GABPA: variants seen among roughly 807,000 people sequenced by gnomAD.
GABPA encodes the protein GA binding protein transcription factor subunit alpha, also known as GA-binding protein alpha chain.
In GABPA, 4 loss-of-function variants were observed where a neutral mutation model predicts 59.4. That is an observed-to-expected ratio of 0.07 (90% CI 0.03 to 0.15). The LOEUF is 0.15. Among genes scored for constraint, GABPA ranks in the 10% least tolerant of loss-of-function variants. The pLI is 1.00. For missense variants in GABPA, 251 were observed against 543.8 expected (o/e 0.46, Z 5.36); for synonymous variants, 164 against 183.1 (o/e 0.90, Z 0.84).
rs1423158744 is a variant in GABPA at position 25,737,626 on chromosome 21, C to T, written c.-27+2048C>T. Among the ~76,000 whole-genome samples the T allele has an allele frequency of 2.6e-5, 4 of 152,172 alleles. No homozygotes were observed. In the South Asian group the frequency reaches 6.2e-4, roughly 24 times the overall value. ...TTTAGTGTTTATGTTAGGGGAGCCC[C>T]AGGTGTCCCTGCTGATACGCCATTA... is the stretch of plus-strand genomic sequence containing the variant. On this transcript the variant is annotated intron_variant, in intron 1 of 9. Transcript: ENST00000400075.
At position 25,768,881 on chromosome 21, in the gene GABPA, TATTA is replaced by T. The variant is rs1338565410; in HGVS notation, c.1137-119_1137-116del. ...CATTAAATATTCTACATAGCTTCAA[TATTA>T]ATTGCTATTGTGGCGGATGCAGTAC... On this transcript the variant is annotated intron_variant, in intron 9 of 9. Coordinates refer to ENST00000400075, the MANE Select transcript of GABPA (RefSeq NM_002040.4). 8 of 640,020 alleles carry T rather than the reference TATTA, an allele frequency of 1.2e-5. No individual in the cohort carries two copies. In the Admixed American group the frequency reaches 1.4e-4, roughly 11 times the overall value. The allele number at this position is 640,020 out of a possible 1,614,324, so 39.6% of individuals were successfully genotyped here.
chr21:25,760,609 G>A (rs924078149), intron 6 of GABPA, among the ~76,000 whole-genome samples: 2 of 152,104 alleles, frequency 1.3e-5, no homozygotes, highest in Non-Finnish European at 2.9e-5. Flanking sequence ...GTCCTTCTCG[G>A]TGTGAATCTC....
intron 9 of GABPA, among the ~76,000 whole-genome samples, chr21:25,766,072 C>T (rs2035882678): frequency 6.6e-6 from 1 of 151,938 alleles, no homozygotes; most frequent in African/African-American, 2.4e-5. Flanking sequence ...GCTATTTTCT[C>T]AAGACAAATA....
chr21:25,736,163 A>G (rs757781112), intron 1 of GABPA, among the ~76,000 whole-genome samples: 13 of 152,230 alleles, frequency 8.5e-5, no homozygotes, highest in Non-Finnish European at 1.5e-4. Flanking sequence ...TTTGTGTACT[A>G]GAAGACACGC....
At chr21:25,760,360 C>T (rs1423177814) in intron 6 of GABPA, among the ~76,000 whole-genome samples, 1 of 152,146 alleles carries the variant, frequency 6.6e-6, no homozygotes, top group East Asian at 1.9e-4. Flanking sequence ...AGCCTATCTG[C>T]GAAAGGCACT....
intron 6 of GABPA, among the ~76,000 whole-genome samples, chr21:25,759,374 T>G (rs1297080767): frequency 6.6e-6 from 1 of 152,078 alleles, no homozygotes; most frequent in Non-Finnish European, 1.5e-5. Flanking sequence ...GTGGAGGGAT[T>G]TTTCCACCGT....
intron 5 of GABPA, among the ~76,000 whole-genome samples, 161 bp from the exon 6 acceptor site, chr21:25,757,849 A>ATT (rs60518912): frequency 0.028 from 3,011 of 108,590 alleles, 154 homozygotes; most frequent in African/African-American, 0.096. Flanking sequence ...TTACAGCATA[A>ATT]TTTTTTTTTT....
chr21:25,750,425 C>A (rs1379206185), intron 4 of GABPA, among the ~76,000 whole-genome samples: 1 of 152,112 alleles, frequency 6.6e-6, no homozygotes, highest in African/African-American at 2.4e-5. Context: ...ATTGGTCACG[C>A]CTGGAACCCT....
chr21:25,738,873 G>C (rs2035146020), intron 1 of GABPA, among the ~76,000 whole-genome samples: 1 of 151,976 alleles, frequency 6.6e-6, no homozygotes, highest in African/African-American at 2.4e-5. Flanking sequence ...CACCAGTTAA[G>C]GAATAGGCTT....
chr21:25,749,440 GCTGCC>G (rs2035451681), intron 4 of GABPA, among the ~76,000 whole-genome samples: 1 of 152,196 alleles, frequency 6.6e-6, no homozygotes, highest in African/African-American at 2.4e-5. Context: ...TAAGGAAGCT[GCTGCC>G]CTGCCATGAT....
At chr21:25,758,448 G>T (rs890934222) in intron 6 of GABPA, among the ~76,000 whole-genome samples, 11 of 152,162 alleles carry the variant, frequency 7.2e-5, no homozygotes, top group Non-Finnish European at 1.5e-4. Context: ...GCCCCATAAA[G>T]TCACAGCTAG....
intron 9 of GABPA, among the ~76,000 whole-genome samples, chr21:25,765,285 A>T (rs2035864135): frequency 6.6e-6 from 1 of 152,094 alleles, no homozygotes; most frequent in Non-Finnish European, 1.5e-5. Context: ...GAAATTCAAC[A>T]GGTACATTTA....
At chr21:25,768,625 T>C (rs2035947477) in intron 9 of GABPA, among the ~76,000 whole-genome samples, 1 of 152,096 alleles carries the variant, frequency 6.6e-6, no homozygotes, top group Admixed American at 6.6e-5. Flanking sequence ...ATATGACTCC[T>C]GTGGTCTCAA....
chr21:25,756,035 T>C (rs71651611), intron 5 of GABPA, among the ~76,000 whole-genome samples: 1,838 of 152,348 alleles, frequency 0.012, 49 homozygotes, highest in African/African-American at 0.042. Context: ...TTTGTACTCA[T>C]GTTCCTATGA....
At chr21:25,738,261 A>G (rs2035132065) in intron 1 of GABPA, among the ~76,000 whole-genome samples, 1 of 152,138 alleles carries the variant, frequency 6.6e-6, no homozygotes, top group East Asian at 1.9e-4. Context: ...ATAAAGTGGT[A>G]GTTTCTTGTT....
chr21:25,741,705 T>C (rs2035225377), intron 2 of GABPA, 30 bp downstream of exon 2: 6 of 1,437,172 alleles, frequency 4.2e-6, no homozygotes, highest in African/African-American at 1.4e-5. Context: ...TCATTTTTTT[T>C]CAAAATATCA....
At chr21:25,764,490 G>GT in intron 8 of GABPA, 105 bp from the exon 9 acceptor site, 1 of 1,441,616 alleles carries the variant, frequency 6.9e-7, no homozygotes, top group Non-Finnish European at 9.5e-7. Flanking sequence ...AACAAAAATT[G>GT]TTTTTGCCAT....
chr21:25,758,481 A>G (rs914065090), intron 6 of GABPA, among the ~76,000 whole-genome samples: 3 of 152,230 alleles, frequency 2.0e-5, no homozygotes, highest in African/African-American at 7.2e-5. Flanking sequence ...CCAGGATTCA[A>G]GCCCAGGCTA....
intron 5 of GABPA, among the ~76,000 whole-genome samples, chr21:25,755,681 G>A (rs896791451): frequency 1.3e-5 from 2 of 151,994 alleles, no homozygotes; most frequent in Non-Finnish European, 2.9e-5. Flanking sequence ...GTGTCTGTTC[G>A]TGTCTCTCCC....
Sources: allele counts gnomAD v4.1 joint callset (sites outside exome capture counted in the v4.1 genomes callset), GRCh38; gene constraint gnomAD v4.1.1; transcripts MANE v1.5; gene names NCBI Gene and HGNC (gene_info 2026-07-23, HGNC 2026-07-21).